The following UNC5C variants were observed in gnomAD, a reference collection of about 807,000 sequenced individuals.
UNC5C encodes unc-5 netrin receptor C, also known as netrin receptor UNC5C.
A neutral mutation model predicts 99.8 loss-of-function variants in UNC5C; 47 were observed. That is an observed-to-expected ratio of 0.47 (90% CI 0.37 to 0.60). The LOEUF (loss-of-function observed/expected upper bound fraction) is 0.60, where lower values mean the gene tolerates loss of function less well. UNC5C is among the 20% of genes least tolerant of loss of function. UNC5C has a pLI of 0.00. For synonymous variants in UNC5C, 487 were observed against 452.2 expected, an observed-to-expected ratio of 1.08 and a Z score of -0.98; for missense variants, 1,062 against 1,165.9, an observed-to-expected ratio of 0.91 and a Z score of 1.30.
chr4:95,370,895 T>A (rs995536417), intron 1 of UNC5C, among the ~76,000 whole-genome samples: 3 of 152,204 alleles, frequency 2.0e-5, no homozygotes, highest in Non-Finnish European at 4.4e-5. Flanking sequence ...GTCATTCGTT[T>A]TTCTAATAAG....
intron 2 of UNC5C, among the ~76,000 whole-genome samples, chr4:95,323,329 C>G (rs1288968638): frequency 6.6e-6 from 1 of 152,170 alleles, no homozygotes; most frequent in Non-Finnish European, 1.5e-5. Flanking sequence ...AATGTTTAGA[C>G]TGAAGAGGGG....
intron 2 of UNC5C, among the ~76,000 whole-genome samples, chr4:95,326,635 G>A (rs1199045291): frequency 1.3e-5 from 2 of 152,128 alleles, no homozygotes; most frequent in East Asian, 3.9e-4. Flanking sequence ...TGTAAGAAAT[G>A]CAACTGTGGT....
chr4:95,498,800 G>T (rs928956249), intron 1 of UNC5C, among the ~76,000 whole-genome samples: 9 of 151,252 alleles, frequency 6.0e-5, no homozygotes, highest in African/African-American at 2.2e-4. Flanking sequence ...TGTATGAAAT[G>T]ACATGTAAAA....
intron 1 of UNC5C, among the ~76,000 whole-genome samples, chr4:95,399,231 G>C (rs1745615355): frequency 6.6e-6 from 1 of 152,098 alleles, no homozygotes; most frequent in South Asian, 2.1e-4. Context: ...CATGCTAAAA[G>C]CAGTATTCTA....
chr4:95,285,009 A>G (rs774020099), intron 3 of UNC5C, among the ~76,000 whole-genome samples: 36 of 152,312 alleles, frequency 2.4e-4, no homozygotes, highest in Non-Finnish European at 4.0e-4. Flanking sequence ...AGACTAGGAG[A>G]AAATATCAGC....
chr4:95,178,472 G>A (rs866301687), intron 14 of UNC5C, among the ~76,000 whole-genome samples: 21 of 151,696 alleles, frequency 1.4e-4, no homozygotes, highest in Admixed American at 7.2e-4. Context: ...TTTCTTTTTG[G>A]TGAGAGTATA....
chr4:95,326,162 T>C (rs1001332492), intron 2 of UNC5C, among the ~76,000 whole-genome samples: 5 of 152,156 alleles, frequency 3.3e-5, no homozygotes, highest in African/African-American at 1.2e-4. Context: ...AAGACACTTG[T>C]GATGACTAAA....
intron 4 of UNC5C, among the ~76,000 whole-genome samples, chr4:95,276,564 T>C (rs1043646460): frequency 6.6e-6 from 1 of 152,234 alleles, no homozygotes; most frequent in Admixed American, 6.5e-5. Context: ...ATGCCATGGA[T>C]ACCCATGTTG....
chr4:95,253,990 C>T (rs547150441), intron 4 of UNC5C, among the ~76,000 whole-genome samples: 1 of 152,230 alleles, frequency 6.6e-6, no homozygotes, highest in South Asian at 2.1e-4. Flanking sequence ...CTTTCTGATG[C>T]CATTGTTTCT....
At chr4:95,406,669 C>T (rs995012087) in intron 1 of UNC5C, among the ~76,000 whole-genome samples, 4 of 152,132 alleles carry the variant, frequency 2.6e-5, no homozygotes, top group Non-Finnish European at 5.9e-5. Flanking sequence ...TCATTAACAA[C>T]GTTTACTCAT....
intron 1 of UNC5C, among the ~76,000 whole-genome samples, chr4:95,377,947 A>G (rs1040718387): frequency 1.3e-5 from 2 of 152,224 alleles, no homozygotes; most frequent in African/African-American, 4.8e-5. Flanking sequence ...ATATACAGCA[A>G]GTAGAGCTCA....
At chr4:95,308,255 T>G (rs1742130755) in intron 2 of UNC5C, among the ~76,000 whole-genome samples, 1 of 152,136 alleles carries the variant, frequency 6.6e-6, no homozygotes, top group South Asian at 2.1e-4. Flanking sequence ...TCAGTACAGT[T>G]GCAGGACACA....
At chr4:95,233,416 A>G (rs916385936) in intron 7 of UNC5C, among the ~76,000 whole-genome samples, 3 of 152,214 alleles carry the variant, frequency 2.0e-5, no homozygotes, top group Non-Finnish European at 4.4e-5. Context: ...AGAAACTCCA[A>G]ACTTACAAAG....
chr4:95,201,597 G>A (rs1055532692), intron 12 of UNC5C, among the ~76,000 whole-genome samples: 3 of 151,348 alleles, frequency 2.0e-5, no homozygotes, highest in Admixed American at 6.6e-5. Context: ...TAATATGCCT[G>A]CAGAGAGTCT....
chr4:95,237,913 G>T (rs1266938979), intron 7 of UNC5C, among the ~76,000 whole-genome samples: 1 of 152,080 alleles, frequency 6.6e-6, no homozygotes, highest in Non-Finnish European at 1.5e-5. Flanking sequence ...GTGGTGGTGT[G>T]TGCCTGTAAT....
At chr4:95,401,252 G>A (rs1010967458) in intron 1 of UNC5C, among the ~76,000 whole-genome samples, 6 of 152,094 alleles carry the variant, frequency 3.9e-5, no homozygotes, top group Non-Finnish European at 7.4e-5. Context: ...AAAGCTGTGA[G>A]CAAAACATAG....
At chr4:95,448,178 A>G (rs1747161912) in intron 1 of UNC5C, among the ~76,000 whole-genome samples, 1 of 145,302 alleles carries the variant, frequency 6.9e-6, no homozygotes, top group Admixed American at 6.9e-5. Context: ...CAAGTATTCA[A>G]GTTTTGCTAA....
chr4:95,470,437 TG>T (rs1747932640), intron 1 of UNC5C, among the ~76,000 whole-genome samples: 1 of 152,128 alleles, frequency 6.6e-6, no homozygotes. Flanking sequence ...CGACAGAGAA[TG>T]GACGGCACCA....
intron 1 of UNC5C, among the ~76,000 whole-genome samples, chr4:95,424,257 C>A (rs1395646760): frequency 6.6e-6 from 1 of 151,600 alleles, no homozygotes; most frequent in Non-Finnish European, 1.5e-5. Context: ...CCTACCCCCA[C>A]CCCTCATTCC....
Sources: gnomAD v4.1 joint callset for allele counts (sites outside exome capture counted in the v4.1 genomes callset) on GRCh38, gnomAD v4.1.1 for gene constraint, MANE v1.5 for transcripts, NCBI Gene and HGNC (gene_info 2026-07-23, HGNC 2026-07-21) for gene names.